Variants in REV3L observed in about 807,000 individuals in gnomAD.
REV3L encodes the protein DNA polymerase zeta catalytic subunit.
REV3L carries 69 observed loss-of-function variants against 299.4 expected under a neutral mutation model. The ratio of observed to expected loss-of-function variants is 0.23; its 90% CI spans 0.19 to 0.28. The LOEUF is 0.28. Ranked by LOEUF, REV3L falls within the 10% of genes least tolerant of loss-of-function variation. The pLI is 1.00. For synonymous variants in REV3L, 1,238 were observed against 1,271.4 expected (o/e 0.97, Z 0.56); for missense variants, 3,128 against 3,693.8 (o/e 0.85, Z 3.97).
chr6:111,320,485 A>C (rs995363169), intron 26 of REV3L, among the ~76,000 whole-genome samples: 1 of 152,232 alleles, frequency 6.6e-6, no homozygotes, highest in Non-Finnish European at 1.5e-5. Context: ...ATATTTAACA[A>C]GGCAAAGTAA....
intron 28 of REV3L, chr6:111,313,005 G>C (rs1773145011): frequency 5.9e-6 from 1 of 168,706 alleles, no homozygotes; most frequent in Non-Finnish European, 1.3e-5. Context: ...AGAAACTTAA[G>C]GACTAAAATC....
chr6:111,400,486 T>C (rs933156489), intron 4 of REV3L, among the ~76,000 whole-genome samples: 2 of 152,336 alleles, frequency 1.3e-5, no homozygotes, highest in South Asian at 4.1e-4. Context: ...CGACATATAA[T>C]GTTGAATATC....
chr6:111,329,233 G>A (rs1362920286), intron 25 of REV3L, among the ~76,000 whole-genome samples: 1 of 151,690 alleles, frequency 6.6e-6, no homozygotes, highest in Non-Finnish European at 1.5e-5. Flanking sequence ...TAGTAGAGAT[G>A]GGGTTTCACC....
intron 16 of REV3L, 29 bp from the exon 17 acceptor site, chr6:111,359,043 T>A: frequency 6.4e-7 from 1 of 1,560,232 alleles, no homozygotes; most frequent in Admixed American, 1.8e-5. Context: ...ACTATGTTTT[T>A]AAAACATTTT....
intron 1 of REV3L, among the ~76,000 whole-genome samples, chr6:111,432,702 T>C (rs1408530849): frequency 3.3e-5 from 5 of 152,266 alleles, no homozygotes; most frequent in Admixed American, 2.6e-4. Context: ...CAAACAGGCC[T>C]AATCAACATT....
chr6:111,429,793 G>A (rs1305068572), intron 1 of REV3L, among the ~76,000 whole-genome samples: 1 of 152,114 alleles, frequency 6.6e-6, no homozygotes, highest in African/African-American at 2.4e-5. Flanking sequence ...TGGCGCGGGG[G>A]GTGAGCACAG....
At chr6:111,332,026 A>C (rs1006653566) in intron 23 of REV3L, among the ~76,000 whole-genome samples, 1 of 152,192 alleles carries the variant, frequency 6.6e-6, no homozygotes, top group Non-Finnish European at 1.5e-5. Context: ...TAAAATCTAT[A>C]CTGAAATACC....
rs752940016 is a variant in REV3L at position 111,376,402 on chromosome 6, T to C, written c.1953A>G (p.Pro651=). The C allele has an allele frequency of 4.2e-5, 67 of 1,613,558 alleles. No homozygotes were observed. The highest frequency in any genetic ancestry group is 5.6e-5 in the Non-Finnish European group (66 of 1,179,828). Residue 651 remains proline, a synonymous_variant, in exon 13 of 32, where the codon CCA becomes CCG. Transcript: ENST00000368802. The stretch of plus-strand genomic sequence containing the variant: ...AAATACTACTTTCACAGGAAGATAC[T>C]GGGAGGATCTCTTTCTTACTATTCT... ...HKENSKKEIL[P]VSSCESSIFD...
rs1168935439 is a variant in REV3L at position 111,320,482 on chromosome 6, AC to A, written c.8351+2086del. Among the ~76,000 whole-genome samples the A allele has an allele frequency of 2.0e-5, 3 of 152,366 alleles. No individual in the cohort carries two copies. In the East Asian group the frequency reaches 5.8e-4, roughly 29 times the overall value. On this transcript the variant is annotated intron_variant, in intron 26 of 31. Transcript: ENST00000368802. ...AAAACACAAATTTAAATTATATTTAACAAGGCAAAGTAATTACTAAGAAGTA... is the reference window on the plus strand; with the variant it reads ...AAAACACAAATTTAAATTATATTTAAAAGGCAAAGTAATTACTAAGAAGTA...
chr6:111,480,677 C>A (rs1387320678), intron 1 of REV3L, among the ~76,000 whole-genome samples: 2 of 151,836 alleles, frequency 1.3e-5, no homozygotes, highest in African/African-American at 4.8e-5. Flanking sequence ...TTTGATAATC[C>A]TTAACAATTT....
intron 1 of REV3L, chr6:111,431,551 C>A: frequency 1.2e-6 from 1 of 802,320 alleles, no homozygotes; most frequent in Non-Finnish European, 2.2e-6. Context: ...CATGATCTGT[C>A]TCTTGGGTCC....
At position 111,373,157 on chromosome 6, in the gene REV3L, A is replaced by G. The variant is rs373432442; in HGVS notation, c.5198T>C (p.Ile1733Thr). Residue 1733 changes from isoleucine (I) to threonine (T), a missense_variant, in exon 13 of 32, where the codon ATA (isoleucine) becomes ACA (threonine). Ile to Thr is a moderately conservative substitution (Grantham distance 89). This residue lies in a region of REV3L where 2,409 missense variants were observed against 2,611.8 expected (regional missense o/e 0.92). Coordinates refer to ENST00000368802, the MANE Select transcript of REV3L (RefSeq NM_001372078.1). ...LSPEIFEKST[I>T]DSNENRRHNQ... Reference sequence around the variant, plus strand: ...GTGGCGACGATTCTCATTGCTATCTATGGTTGACTTCTCAAAAATTTCAGG... The same window carrying G: ...GTGGCGACGATTCTCATTGCTATCTGTGGTTGACTTCTCAAAAATTTCAGG... 11 of 1,613,972 alleles carry G rather than the reference A, an allele frequency of 6.8e-6. No individual in the cohort carries two copies. The highest frequency in any genetic ancestry group is 1.3e-5 in the African/African-American group (1 of 74,894).
chr6:111,392,176 C>T (rs1489767605), intron 5 of REV3L, among the ~76,000 whole-genome samples: 4 of 152,128 alleles, frequency 2.6e-5, no homozygotes, highest in African/African-American at 9.7e-5. Flanking sequence ...AGGAGGGAAA[C>T]AATAACCTCA....
intron 1 of REV3L, among the ~76,000 whole-genome samples, chr6:111,469,268 T>C (rs761923851): frequency 1.9e-4 from 29 of 152,208 alleles, no homozygotes; most frequent in Non-Finnish European, 3.4e-4. Flanking sequence ...ACTTAATGGG[T>C]GCTCAATAAA....
rs906257870 is a variant in REV3L, at chr6:111,373,987, A to G, written c.4368T>C (p.Asn1456=). The change falls in exon 13 of 32, where the codon AAT becomes AAC. Residue 1456 remains asparagine, a synonymous_variant. Coordinates refer to ENST00000368802, the MANE Select transcript of REV3L (RefSeq NM_001372078.1). ...NTASEESQMP[N]NCFVTSLRSP... ...TTCTCAAGGAAGTTACAAAGCAATT[A>G]TTAGGCATTTGGCTTTCCTCTGAAG... 6.2e-7 allele frequency: 1 copy of G among 1,614,028 alleles called. No homozygotes were observed. The highest frequency in any genetic ancestry group is 8.5e-7 in the Non-Finnish European group (1 of 1,179,992).
intron 21 of REV3L, among the ~76,000 whole-genome samples, chr6:111,339,254 T>A (rs1776245732): frequency 6.6e-6 from 1 of 152,092 alleles, no homozygotes. Context: ...CTTCACTTCA[T>A]GAGGTAGAAT....
At chr6:111,417,059 AT>A (rs1784850738) in intron 1 of REV3L, among the ~76,000 whole-genome samples, 2 of 152,100 alleles carry the variant, frequency 1.3e-5, no homozygotes, top group South Asian at 4.1e-4. Flanking sequence ...CTACAGATCA[AT>A]TATCTATAAT....
chr6:111,349,103 G>T, intron 20 of REV3L, 115 bp downstream of exon 20: 1 of 592,120 alleles, frequency 1.7e-6, no homozygotes. Flanking sequence ...AAGTATAACA[G>T]TAATTGACAA....
At chr6:111,361,419 C>CACAAAAA (rs767836093) in intron 16 of REV3L, 3 of 86,624 alleles carry the variant, frequency 3.5e-5, no homozygotes, top group Non-Finnish European at 7.0e-5. Flanking sequence ...CACACACACA[C>CACAAAAA]AAAAAAAAAA....
Sources: allele counts gnomAD v4.1 joint callset (sites outside exome capture counted in the v4.1 genomes callset), GRCh38; gene constraint gnomAD v4.1.1; regional missense constraint gnomAD v4.1.1; transcripts MANE v1.5; gene names NCBI Gene and HGNC (gene_info 2026-07-23, HGNC 2026-07-21).